The following PTPRT variants were observed in gnomAD, a reference collection of about 807,000 sequenced individuals.
PTPRT encodes receptor-type tyrosine-protein phosphatase T.
PTPRT carries 56 observed loss-of-function variants against 176.8 expected under a neutral mutation model. The observed-to-expected ratio is 0.32, with a 90% confidence interval of 0.26 to 0.40. The LOEUF is 0.40. Among genes scored for constraint, PTPRT ranks in the 10% least tolerant of loss-of-function variants. The pLI is 1.00. For missense variants in PTPRT, 1,540 were observed against 1,908.2 expected, an observed-to-expected ratio of 0.81 and a Z score of 3.60; for synonymous variants, 783 against 739.0, an observed-to-expected ratio of 1.06 and a Z score of -0.96.
chr20:42,104,424 T>C (rs1986234952), intron 25 of PTPRT, 145 bp downstream of exon 25: 1 of 944,742 alleles, frequency 1.1e-6, no homozygotes, highest in Non-Finnish European at 1.5e-6. Context: ...AGACACTGGA[T>C]TTACTGGAAG....
intron 1 of PTPRT, among the ~76,000 whole-genome samples, chr20:43,130,812 TTC>T (rs1217457823): frequency 3.5e-5 from 5 of 142,648 alleles, no homozygotes; most frequent in South Asian, 2.2e-4. Flanking sequence ...AGGAAGGATT[TTC>T]AAAAAAAAAA....
intron 6 of PTPRT, among the ~76,000 whole-genome samples, chr20:42,731,588 C>T (rs1036643922): frequency 5.9e-5 from 9 of 152,188 alleles, no homozygotes; most frequent in African/African-American, 1.9e-4. Flanking sequence ...GAAGGTTGTG[C>T]GTCCACATTG....
At chr20:42,621,924 C>T (rs750663667) in intron 7 of PTPRT, among the ~76,000 whole-genome samples, 21 of 147,982 alleles carry the variant, frequency 1.4e-4, no homozygotes, top group Middle Eastern at 3.4e-3. Context: ...GGGCAAAGAC[C>T]CCTTTGGCAG....
chr20:42,049,049 AT>A, the PTPRT span, among the ~76,000 whole-genome samples: 1 of 152,182 alleles, frequency 6.6e-6, no homozygotes, highest in East Asian at 1.9e-4. Context: ...CCAACTCCTG[AT>A]CTCAGGTGGT....
At chr20:43,106,377 G>T (rs1479785452) in intron 1 of PTPRT, among the ~76,000 whole-genome samples, 2 of 152,156 alleles carry the variant, frequency 1.3e-5, no homozygotes, top group Non-Finnish European at 2.9e-5. Context: ...GACATATGTG[G>T]CCGGGTGCAG....
intron 7 of PTPRT, among the ~76,000 whole-genome samples, chr20:42,562,891 C>T (rs1245736497): frequency 6.6e-6 from 1 of 152,174 alleles, no homozygotes; most frequent in Non-Finnish European, 1.5e-5. Context: ...CAGATGATTA[C>T]ATCCCCTTTA....
At chr20:42,369,364 G>T (rs1600905159) in intron 9 of PTPRT, among the ~76,000 whole-genome samples, 2 of 152,192 alleles carry the variant, frequency 1.3e-5, no homozygotes, top group Non-Finnish European at 2.9e-5. Flanking sequence ...AAATGAGACT[G>T]TAAGAGAAGG....
chr20:43,029,465 G>A (rs1461903389), intron 1 of PTPRT, among the ~76,000 whole-genome samples: 6 of 152,208 alleles, frequency 3.9e-5, no homozygotes, highest in Non-Finnish European at 7.3e-5. Context: ...GTATCACGTA[G>A]CACTTCATTC....
At chr20:43,035,261 A>G (rs908635148) in intron 1 of PTPRT, among the ~76,000 whole-genome samples, 1 of 151,466 alleles carries the variant, frequency 6.6e-6, no homozygotes, top group Non-Finnish European at 1.5e-5. Flanking sequence ...CCACCCAGGA[A>G]GTGGATCCAG....
At chr20:42,435,061 A>G in intron 9 of PTPRT, among the ~76,000 whole-genome samples, 1 of 152,142 alleles carries the variant, frequency 6.6e-6, no homozygotes, top group East Asian at 1.9e-4. Flanking sequence ...AAGCACCACC[A>G]AATTTGAGAC....
the PTPRT span, among the ~76,000 whole-genome samples, chr20:42,061,737 G>C: frequency 6.6e-6 from 1 of 152,162 alleles, no homozygotes; most frequent in East Asian, 1.9e-4. Context: ...AGTTTCCTTG[G>C]ATGAACCTTC....
intron 1 of PTPRT, among the ~76,000 whole-genome samples, chr20:42,933,483 A>G (rs1293299388): frequency 6.6e-6 from 1 of 152,204 alleles, no homozygotes; most frequent in Non-Finnish European, 1.5e-5. Context: ...AGTCCCGAGC[A>G]TGGTGCCGGG....
chr20:42,980,656 C>T (rs1983222507), intron 1 of PTPRT, among the ~76,000 whole-genome samples: 1 of 152,146 alleles, frequency 6.6e-6, no homozygotes, highest in South Asian at 2.1e-4. Flanking sequence ...ATCAGATGGT[C>T]CTGGGGGTCA....
intron 12 of PTPRT, among the ~76,000 whole-genome samples, chr20:42,315,184 C>CAAAAAAAAAAAAAAAAA (rs71193656): frequency 4.7e-5 from 3 of 63,398 alleles, no homozygotes; most frequent in African/African-American, 2.1e-4. Context: ...GGCTCCGTCT[C>CAAAAAAAAAAAAAAAAA]AAAAAAAAAA....
intron 1 of PTPRT, among the ~76,000 whole-genome samples, chr20:43,043,998 G>A (rs1435437507): frequency 6.6e-6 from 1 of 152,070 alleles, no homozygotes; most frequent in Non-Finnish European, 1.5e-5. Flanking sequence ...GCCTAAGGGA[G>A]TCCCAGGGCT....
chr20:42,678,128 C>T lies in PTPRT; in HGVS notation c.891G>A (p.Leu297=), dbSNP rs2075540067. The change falls in exon 7 of 31, where the codon CTG becomes CTA. Residue 297 remains leucine (L), a synonymous_variant. Transcript: ENST00000373187. ...ACAGGTATGTGGCCCCCACAGCCAG[C>T]AGCTCTGGGGGAGCAATGGGCGTGG... is the stretch of plus-strand genomic sequence containing the variant. ...EPPTPIAPPE[L]LAVGATYLWI... The T allele has an allele frequency of 6.2e-7, 1 of 1,614,028 alleles. No homozygotes were observed. The highest frequency in any genetic ancestry group is 8.5e-7 in the Non-Finnish European group (1 of 1,179,942).
intron 7 of PTPRT, among the ~76,000 whole-genome samples, chr20:42,639,465 G>A (rs1035004017): frequency 3.3e-5 from 5 of 152,030 alleles, no homozygotes; most frequent in South Asian, 2.1e-4. Flanking sequence ...CCCTGAATCC[G>A]CTCTCTCCGC....
Position 42,409,481 on chromosome 20 carries a change from C to CAAAAAAAAAAAAAAAAAAAAAAAA in PTPRT, c.1560+38715_1560+38738dup, listed in dbSNP as rs58932390. ...TGGGCAACAGAACGAGACTCTGTCG[C>CAAAAAAAAAAAAAAAAAAAAAAAA]AAAAAAAAAAAAAAAAAAAAAAAAA... On this transcript the variant is annotated intron_variant, in intron 9 of 30. Coordinates refer to ENST00000373187, the MANE Select transcript of PTPRT (RefSeq NM_007050.6). 2.7e-5 allele frequency among the ~76,000 whole-genome samples: 3 copies of CAAAAAAAAAAAAAAAAAAAAAAAA among 112,144 alleles called. 1 individual carries two copies. The highest frequency in any genetic ancestry group is 5.4e-5 in the Non-Finnish European group (3 of 55,886). 73.6% of individuals were successfully genotyped at this position (112,144 alleles called of 152,430 possible).
intron 9 of PTPRT, among the ~76,000 whole-genome samples, chr20:42,382,544 A>C (rs2058706924): frequency 6.6e-6 from 1 of 152,186 alleles, no homozygotes; most frequent in Non-Finnish European, 1.5e-5. Flanking sequence ...TTTCATAAAC[A>C]CAGACTGCCT....
Sources: allele counts gnomAD v4.1 joint callset (sites outside exome capture counted in the v4.1 genomes callset), GRCh38; gene constraint gnomAD v4.1.1; transcripts MANE v1.5; gene names NCBI Gene and HGNC (gene_info 2026-07-23, HGNC 2026-07-21).